Variants in HEPHL1 observed in about 807,000 individuals in gnomAD.
The protein encoded by HEPHL1 is ferroxidase HEPHL1.
In HEPHL1, 123 loss-of-function variants were observed where a neutral mutation model predicts 122.0. The observed-to-expected ratio is 1.01, with a 90% confidence interval of 0.87 to 1.17. The LOEUF (loss-of-function observed/expected upper bound fraction) is 1.17. Ranked by LOEUF, HEPHL1 falls within the 50% of genes most tolerant of loss-of-function variation. The pLI is 0.00. For synonymous variants in HEPHL1, 527 were observed against 508.9 expected (o/e 1.04, Z -0.48); for missense variants, 1,452 against 1,430.5 (o/e 1.01, Z -0.24).
chr11:94,075,177 T>C lies in HEPHL1; in HGVS notation c.1508T>C (p.Phe503Ser). Residue 503 changes from phenylalanine to serine, a missense_variant, in exon 9 of 20, where the codon TTT (phenylalanine) becomes TCT (serine). Physicochemically the swap from Phe to Ser is radical, Grantham distance 155. Coordinates refer to ENST00000315765, the MANE Select transcript of HEPHL1 (RefSeq NM_001098672.2). Reference sequence around the variant, plus strand: ...ATTGTTTTGTTTATATCCTCAGGATTTGTGAAACCAGGGGCGCATGTTAAA... The same window carrying C: ...ATTGTTTTGTTTATATCCTCAGGATCTGTGAAACCAGGGGCGCATGTTAAA... ...ASDAAPNLDG[F>S]VKPGAHVKPG... 6.2e-7 allele frequency: 1 copy of C among 1,612,320 alleles called. No individual in the cohort carries two copies.
chr11:94,046,981 C>T lies in HEPHL1; in HGVS notation c.415+1064C>T, dbSNP rs16919868. Among the ~76,000 whole-genome samples the T allele has an allele frequency of 9.1e-3, 1,388 of 152,232 alleles. 20 individuals are homozygous for T. The highest frequency in any genetic ancestry group is 0.032 in the African/African-American group (1,314 of 41,528). On this transcript the variant is annotated intron_variant, in intron 2 of 19. Transcript: ENST00000315765. Reference sequence around the variant, plus strand: ...CTGGGCATTAACAAATATCCCAAGGCAGCCTAACTTGTGAGGCAGCTGCTC... The same window carrying T: ...CTGGGCATTAACAAATATCCCAAGGTAGCCTAACTTGTGAGGCAGCTGCTC...
chr11:94,037,594 C>A (rs1275095240), intron 1 of HEPHL1, among the ~76,000 whole-genome samples: 1 of 152,178 alleles, frequency 6.6e-6, no homozygotes, highest in Non-Finnish European at 1.5e-5. Flanking sequence ...GGGAGGCACC[C>A]CCCCAACAGG....
Position 94,088,928 on chromosome 11 carries a change from T to G in HEPHL1, c.2254T>G (p.Trp752Gly), listed in dbSNP as rs1431606562. The change falls in exon 12 of 20, where the codon TGG (tryptophan) becomes GGG (glycine). Residue 752 changes from tryptophan (W) to glycine (G), a missense_variant. Transcript: ENST00000315765. The stretch of plus-strand genomic sequence containing the variant: ...ATGGGATTATGCCCCTAACAAAAAC[T>G]GGGAGTTCGAAAAGCAGCACGTGGA... Reference protein sequence around the residue: ...VEWDYAPNKNWEFEKQHVDAR... With the variant: ...VEWDYAPNKNGEFEKQHVDAR... 1 of 1,613,912 alleles carries G rather than the reference T, an allele frequency of 6.2e-7. No individual in the cohort carries two copies. Among genetic ancestry groups the G allele is most frequent in the African/African-American group, 1.3e-5 (1 of 75,018 alleles).
Position 94,045,804 on chromosome 11 carries a change from G to A in HEPHL1, c.302G>A (p.Gly101Asp). 1.9e-6 allele frequency: 3 copies of A among 1,613,950 alleles called. No individual in the cohort carries two copies. The highest frequency in any genetic ancestry group is 2.5e-6 in the Non-Finnish European group (3 of 1,179,888). The change falls in exon 2 of 20, where the codon GGC (glycine) becomes GAC (aspartate). Residue 101 changes from glycine to aspartate, a missense_variant. Coordinates refer to ENST00000315765, the MANE Select transcript of HEPHL1 (RefSeq NM_001098672.2). ...IPKPPWLGFLGPILRAEVGDV... is the reference protein window; with the variant it reads ...IPKPPWLGFLDPILRAEVGDV... ...AAACCTCCCTGGCTTGGATTCCTGG[G>A]CCCCATCTTGAGGGCCGAAGTGGGT...
intron 1 of HEPHL1, among the ~76,000 whole-genome samples, chr11:94,045,050 C>T (rs557674251): frequency 1.5e-4 from 23 of 152,222 alleles, no homozygotes; most frequent in Non-Finnish European, 2.6e-4. Flanking sequence ...GGACTACAGG[C>T]GGCCCACCAC....
At chr11:94,071,788 A>C (rs1946076033) in intron 6 of HEPHL1, among the ~76,000 whole-genome samples, 2 of 152,120 alleles carry the variant, frequency 1.3e-5, no homozygotes, top group Non-Finnish European at 2.9e-5. Flanking sequence ...TTATAGAGGA[A>C]GTGAGACTTA....
At chr11:94,042,972 G>A (rs1351753497) in intron 1 of HEPHL1, among the ~76,000 whole-genome samples, 2 of 151,108 alleles carry the variant, frequency 1.3e-5, no homozygotes, top group African/African-American at 4.9e-5. Context: ...GGAAAGGCTG[G>A]GATAGGTTTC....
intron 9 of HEPHL1, 69 bp from the exon 10 acceptor site, chr11:94,082,349 G>T: frequency 1.6e-6 from 2 of 1,224,662 alleles, no homozygotes. Flanking sequence ...TGTGAACTTT[G>T]AAGGAAAGCA....
chr11:94,092,450 C>T (rs1182670239), intron 12 of HEPHL1, among the ~76,000 whole-genome samples: 1 of 152,204 alleles, frequency 6.6e-6, no homozygotes, highest in Non-Finnish European at 1.5e-5. Flanking sequence ...CACACATTTT[C>T]AGCTGAGGTC....
chr11:94,070,488 A>T lies in HEPHL1; in HGVS notation c.1178A>T (p.Tyr393Phe). Residue 393 changes from tyrosine (Y) to phenylalanine (F), a missense_variant, in exon 6 of 20, where the codon TAT (tyrosine) becomes TTT (phenylalanine). Transcript: ENST00000315765. ...GCAGCTGAAAAAATTCTTTGGGATT[A>T]TGCTCCTCAAGGCTATAACAAATTC... ...FIAAEKILWDYAPQGYNKFSG... is the reference protein window; with the variant it reads ...FIAAEKILWDFAPQGYNKFSG... 6.2e-7 allele frequency: 1 copy of T among 1,611,382 alleles called. No homozygotes were observed.
intron 1 of HEPHL1, among the ~76,000 whole-genome samples, chr11:94,042,503 A>C (rs1591465922): frequency 6.8e-6 from 1 of 147,642 alleles, no homozygotes. Context: ...AGACTGGATT[A>C]AGAAAATGTG....
chr11:94,036,133 T>A (rs1945720304), intron 1 of HEPHL1, among the ~76,000 whole-genome samples: 1 of 152,240 alleles, frequency 6.6e-6, no homozygotes, highest in South Asian at 2.1e-4. Context: ...GCGTATTTCA[T>A]TAGGGTGACA....
chr11:94,094,247 T>C (rs2134446925), intron 13 of HEPHL1, among the ~76,000 whole-genome samples: 1 of 151,612 alleles, frequency 6.6e-6, no homozygotes, highest in South Asian at 2.1e-4. Flanking sequence ...GAACATGTGG[T>C]GTTTGGTTTT....
intron 13 of HEPHL1, among the ~76,000 whole-genome samples, chr11:94,094,010 A>ATATT (rs1946287022): frequency 8.1e-6 from 1 of 123,520 alleles, no homozygotes; most frequent in Non-Finnish European, 1.6e-5. Flanking sequence ...ATATATATAT[A>ATATT]TATAAAACTT....
Position 94,102,911 on chromosome 11 carries a change from CAGG to C in HEPHL1, c.2576_2578del (p.Gly859del). 2 of 1,472,990 alleles carry C rather than the reference CAGG, an allele frequency of 1.4e-6. No individual in the cohort carries two copies. Among genetic ancestry groups the C allele is most frequent in the South Asian group, 1.2e-5 (1 of 86,564 alleles). 91.2% of individuals were successfully genotyped at this position (1,472,990 alleles called of 1,614,324 possible). The stretch of plus-strand genomic sequence containing the variant: ...TAAATTTTTTCCATTTCATTTATTA[CAGG>C]AGAAGTAAAAACTTATAGATGGAAT... On this transcript the variant is annotated splice_acceptor_variant and coding_sequence_variant, in exon 15 of 20. Transcript: ENST00000315765. LOFTEE classifies it high-confidence loss of function.
intron 13 of HEPHL1, among the ~76,000 whole-genome samples, chr11:94,094,318 G>A (rs1373850891): frequency 6.6e-6 from 1 of 151,928 alleles, no homozygotes; most frequent in Admixed American, 6.6e-5. Context: ...TCCCTACAAA[G>A]GACATGAACT....
At chr11:94,051,141 G>T (rs1210748633) in intron 2 of HEPHL1, among the ~76,000 whole-genome samples, 1 of 151,994 alleles carries the variant, frequency 6.6e-6, no homozygotes, top group Non-Finnish European at 1.5e-5. Flanking sequence ...TTTTTGGGGG[G>T]TACATTAAAA....
intron 1 of HEPHL1, among the ~76,000 whole-genome samples, chr11:94,045,105 A>G (rs1260051289): frequency 6.6e-6 from 1 of 152,056 alleles, no homozygotes; most frequent in Non-Finnish European, 1.5e-5. Context: ...ACAGGGTCTC[A>G]CTATGTTGCC....
At chr11:94,099,415 C>A (rs919697278) in intron 13 of HEPHL1, among the ~76,000 whole-genome samples, 1 of 152,198 alleles carries the variant, frequency 6.6e-6, no homozygotes, top group Non-Finnish European at 1.5e-5. Flanking sequence ...AGGTGTCAGT[C>A]TGCCCCTACT....
Sources: allele counts gnomAD v4.1 joint callset (sites outside exome capture counted in the v4.1 genomes callset), GRCh38; gene constraint gnomAD v4.1.1; transcripts MANE v1.5; gene names NCBI Gene and HGNC (gene_info 2026-07-23, HGNC 2026-07-21).